Variants in FCHSD2 observed in about 807,000 individuals in gnomAD.
The protein encoded by FCHSD2 is F-BAR and double SH3 domains protein 2.
FCHSD2 carries 38 observed loss-of-function variants against 108.1 expected under a neutral mutation model. That is an observed-to-expected ratio of 0.35 (90% CI 0.27 to 0.46). The LOEUF is 0.46. Among genes scored for constraint, FCHSD2 ranks in the 20% least tolerant of loss-of-function variants. The pLI, the probability that FCHSD2 is intolerant of heterozygous loss-of-function variation, is 1.00. For missense variants in FCHSD2, 751 were observed against 897.8 expected (o/e 0.84, Z 2.09); for synonymous variants, 279 against 314.7 (o/e 0.89, Z 1.20).
rs949739613 is a variant in FCHSD2 at position 72,921,812 on chromosome 11, A to G, written c.828+16T>C. The stretch of plus-strand genomic sequence containing the variant: ...TAAGTTGGATAACACTACACGTTGC[A>G]CTAAAGGTAACTTACCTTGCTGGAG... On this transcript the variant is annotated intron_variant, in intron 9 of 19. Transcript: ENST00000409418. 2.5e-6 allele frequency: 4 copies of G among 1,605,714 alleles called. No homozygotes were observed. Among genetic ancestry groups the G allele is most frequent in the South Asian group, 2.2e-5 (2 of 90,382 alleles).
rs1055846396 is a variant in FCHSD2, at chr11:72,909,072, G to A, written c.829-6434C>T. 5.9e-5 allele frequency among the ~76,000 whole-genome samples: 9 copies of A among 151,656 alleles called. No individual in the cohort carries two copies. In the South Asian group the frequency reaches 6.2e-4, roughly 11 times the overall value. On this transcript the variant is annotated intron_variant, in intron 9 of 19. Transcript: ENST00000409418. Reference sequence around the variant, plus strand: ...CTTCCCCTCCCCCCTCCATCTCTCCGGTCTCCCTCTGTTGCCGATACTGCC... The same window carrying A: ...CTTCCCCTCCCCCCTCCATCTCTCCAGTCTCCCTCTGTTGCCGATACTGCC...
chr11:73,083,808 C>T, intron 2 of FCHSD2, 68 bp from the exon 3 acceptor site: 1 of 983,354 alleles, frequency 1.0e-6, no homozygotes, highest in Non-Finnish European at 1.6e-6. Context: ...TCTATCAACA[C>T]ACCTTCAAAT....
chr11:73,068,133 G>A (rs1008302571), intron 3 of FCHSD2, among the ~76,000 whole-genome samples: 3 of 152,026 alleles, frequency 2.0e-5, no homozygotes, highest in Admixed American at 6.5e-5. Context: ...CACAACACAT[G>A]GGAATTATGG....
At chr11:72,971,572 A>T (rs1453729892) in intron 8 of FCHSD2, among the ~76,000 whole-genome samples, 1 of 152,218 alleles carries the variant, frequency 6.6e-6, no homozygotes, top group Non-Finnish European at 1.5e-5. Flanking sequence ...TTATGTACAA[A>T]GGACCTGAGA....
intron 3 of FCHSD2, among the ~76,000 whole-genome samples, chr11:73,024,687 C>G (rs183496026): frequency 3.9e-5 from 6 of 152,116 alleles, no homozygotes; most frequent in Admixed American, 3.3e-4. Context: ...AAGAAACTAT[C>G]AACAGAGTAA....
intron 3 of FCHSD2, among the ~76,000 whole-genome samples, chr11:73,026,004 GTA>G (rs1361793649): frequency 3.3e-5 from 5 of 151,590 alleles, no homozygotes; most frequent in Admixed American, 6.6e-5. Flanking sequence ...ATGTATGTAT[GTA>G]TGTATGTATG....
chr11:72,985,811 C>T (rs1857300163), intron 6 of FCHSD2, among the ~76,000 whole-genome samples: 1 of 152,068 alleles, frequency 6.6e-6, no homozygotes, highest in Admixed American at 6.5e-5. Flanking sequence ...GTTGATTTTA[C>T]CCAAACAGCT....
intron 4 of FCHSD2, among the ~76,000 whole-genome samples, chr11:73,010,471 A>G (rs1857838524): frequency 6.6e-6 from 1 of 152,012 alleles, no homozygotes; most frequent in Non-Finnish European, 1.5e-5. Flanking sequence ...TTGCTTTTTC[A>G]TGTTTCCTAC....
chr11:72,849,800 G>T lies in FCHSD2; in HGVS notation c.1398C>A (p.Thr466=). 1 of 1,612,614 alleles carries T rather than the reference G, an allele frequency of 6.2e-7. No homozygotes were observed. Among genetic ancestry groups the T allele is most frequent in the Non-Finnish European group, 8.5e-7 (1 of 1,178,764 alleles). The change falls in exon 14 of 20, where the codon ACC becomes ACA. Residue 466 remains threonine, a synonymous_variant. Coordinates refer to ENST00000409418, the MANE Select transcript of FCHSD2 (RefSeq NM_014824.3). The part of the protein sequence containing the change: ...FDDSSSSPSG[T]LRNYPLTCKV... ...TGCAGGTGAGTGGATAATTTCTTAAGGTGCCAGAAGGGCTGGAACTGCTGT... is the reference window on the plus strand; with the variant it reads ...TGCAGGTGAGTGGATAATTTCTTAATGTGCCAGAAGGGCTGGAACTGCTGT...
intron 3 of FCHSD2, among the ~76,000 whole-genome samples, chr11:73,082,753 A>T (rs1487975972): frequency 6.6e-6 from 1 of 152,224 alleles, no homozygotes; most frequent in Non-Finnish European, 1.5e-5. Flanking sequence ...AACTTTTACA[A>T]TTTGCAGAAG....
rs532300823 is a variant in FCHSD2, at chr11:72,909,805, C to T, written c.829-7167G>A. Among the ~76,000 whole-genome samples, 665 of 148,042 alleles carry T rather than the reference C, an allele frequency of 4.5e-3. 3 individuals carry two copies. Among genetic ancestry groups the T allele is most frequent in the Middle Eastern group, 0.022 (6 of 270 alleles). ...GAGGAGCACCTCTGCCCGGCCGCCC[C>T]GTCTGAGAAGTGAGGAGCACCTCTG... On this transcript the variant is annotated intron_variant, in intron 9 of 19. Coordinates refer to ENST00000409418, the MANE Select transcript of FCHSD2 (RefSeq NM_014824.3).
intron 3 of FCHSD2, among the ~76,000 whole-genome samples, chr11:73,016,317 AC>A (rs1489886849): frequency 8.1e-4 from 122 of 151,376 alleles, no homozygotes; most frequent in African/African-American, 2.8e-3. Context: ...AAAAAAAAAA[AC>A]AAAACCCAAT....
intron 6 of FCHSD2, among the ~76,000 whole-genome samples, chr11:72,985,705 T>C (rs1350339283): frequency 6.6e-6 from 1 of 152,224 alleles, no homozygotes; most frequent in Non-Finnish European, 1.5e-5. Context: ...CTGCCCTGTA[T>C]GATGTAATCT....
At chr11:72,963,582 G>A (rs1025145611) in intron 8 of FCHSD2, among the ~76,000 whole-genome samples, 26 of 152,274 alleles carry the variant, frequency 1.7e-4, no homozygotes, top group African/African-American at 4.1e-4. Context: ...CAACCTTTTC[G>A]GCACCAGGGA....
intron 5 of FCHSD2, among the ~76,000 whole-genome samples, chr11:72,989,943 G>A (rs1369908688): frequency 6.6e-6 from 1 of 152,110 alleles, no homozygotes; most frequent in East Asian, 1.9e-4. Context: ...ATTGTGCAAG[G>A]GTGAATAGTG....
intron 2 of FCHSD2, among the ~76,000 whole-genome samples, chr11:73,084,684 G>C (rs533571332): frequency 6.6e-6 from 1 of 152,318 alleles, no homozygotes; most frequent in East Asian, 1.9e-4. Context: ...ATGGGCCAAC[G>C]TGCTTAGCCA....
intron 10 of FCHSD2, among the ~76,000 whole-genome samples, chr11:72,896,095 C>T (rs1233513458): frequency 6.6e-6 from 1 of 152,162 alleles, no homozygotes; most frequent in Non-Finnish European, 1.5e-5. Flanking sequence ...AAATCCTCAA[C>T]TACAGCAAGT....
rs1470742714 is a variant in FCHSD2 at position 72,979,348 on chromosome 11, TAAGA to T, written c.705+4736_705+4739del. ...ACAACATAATGACAAAGATGGAAAATAAGAAAGAAATGAAATTTAAAGAAGCAAG... is the reference window on the plus strand; with the variant it reads ...ACAACATAATGACAAAGATGGAAAATAAGAAATGAAATTTAAAGAAGCAAG... On this transcript the variant is annotated intron_variant, in intron 8 of 19. Coordinates refer to ENST00000409418, the MANE Select transcript of FCHSD2 (RefSeq NM_014824.3). Among the ~76,000 whole-genome samples the T allele has an allele frequency of 7.3e-5, 11 of 151,718 alleles. No individual in the cohort carries two copies. In the East Asian group the frequency reaches 2.1e-3, roughly 29 times the overall value.
At chr11:73,058,516 T>G (rs979393902) in intron 3 of FCHSD2, among the ~76,000 whole-genome samples, 14 of 152,162 alleles carry the variant, frequency 9.2e-5, no homozygotes, top group Admixed American at 7.8e-4. Context: ...GGCTTCAAGA[T>G]CTTTATTTTT....
Sources: gnomAD v4.1 joint callset for allele counts (sites outside exome capture counted in the v4.1 genomes callset) on GRCh38, gnomAD v4.1.1 for gene constraint, MANE v1.5 for transcripts, NCBI Gene and HGNC (gene_info 2026-07-23, HGNC 2026-07-21) for gene names.